Variants in WNK2 observed in about 807,000 individuals in gnomAD.
The protein encoded by WNK2 is WNK lysine deficient protein kinase 2.
Under a neutral mutation model 192.1 loss-of-function variants are expected in WNK2, and 67 were observed. The observed-to-expected ratio is 0.35, with a 90% CI of 0.29 to 0.43. The LOEUF (loss-of-function observed/expected upper bound fraction) is 0.43. WNK2 is among the 20% of genes least tolerant of loss of function. The pLI, the probability that WNK2 is intolerant of heterozygous loss-of-function variation, is 1.00. For synonymous variants in WNK2, 1,439 were observed against 1,393.9 expected (o/e 1.03, Z -0.72); for missense variants, 2,698 against 3,089.7 (o/e 0.87, Z 3.01).
chr9:93,320,326 T>G (rs745456673), intron 29 of WNK2, 41 bp from the exon 30 acceptor site: 51 of 1,367,134 alleles, frequency 3.7e-5, no homozygotes, highest in Non-Finnish European at 5.0e-5. Flanking sequence ...TGGCCAGCAC[T>G]GCGGTGGGCC....
At position 93,229,983 on chromosome 9, in the gene WNK2, T is replaced by A; in HGVS notation, c.854+115T>A. The A allele has an allele frequency of 7.6e-7, 1 of 1,315,152 alleles. No homozygotes were observed. The highest frequency in any genetic ancestry group is 1.0e-6 in the Non-Finnish European group (1 of 972,178). 81.5% of individuals were successfully genotyped at this position (1,315,152 alleles called of 1,614,324 possible). On this transcript the variant is annotated intron_variant, in intron 3 of 29. Transcript: ENST00000427277. This position sits in a 1 kb window ranked among gnomAD's most constrained non-coding sequence, Gnocchi z 4.9. ...GTCCTGGCTGGTGCCTGTGGGAGGC[T>A]GTCTCCTCTTTCCTCTCCTGCATGG...
chr9:93,189,515 A>T (rs529394132), intron 2 of WNK2, among the ~76,000 whole-genome samples: 8 of 152,288 alleles, frequency 5.3e-5, no homozygotes, highest in African/African-American at 1.9e-4. Flanking sequence ...TCAAGGAACG[A>T]TGTGTCCTGC....
chr9:93,318,808 T>C (rs2134499697), intron 29 of WNK2: 1 of 1,410,020 alleles, frequency 7.1e-7, no homozygotes, highest in Non-Finnish European at 9.2e-7. Flanking sequence ...TCGTCCCCAG[T>C]GGGCACAACA....
chr9:93,315,641 CCTT>C (rs1172938377), intron 28 of WNK2: 1 of 152,202 alleles, frequency 6.6e-6, no homozygotes, highest in African/African-American at 2.4e-5. Context: ...GAAGTCTTCT[CCTT>C]CTTAGTGCCT....
chr9:93,250,671 G>A (rs1842468275), intron 8 of WNK2, among the ~76,000 whole-genome samples: 1 of 152,176 alleles, frequency 6.6e-6, no homozygotes, highest in South Asian at 2.1e-4. Context: ...ACCAAGCGGG[G>A]GCTTCCTTGG....
chr9:93,215,661 A>C (rs781476484), intron 2 of WNK2, among the ~76,000 whole-genome samples: 8 of 151,976 alleles, frequency 5.3e-5, no homozygotes, highest in Non-Finnish European at 1.0e-4. Flanking sequence ...CTAGATTTCT[A>C]TTTGTTTCTG....
intron 6 of WNK2, among the ~76,000 whole-genome samples, chr9:93,238,556 T>C (rs1358915961): frequency 6.6e-6 from 1 of 152,216 alleles, no homozygotes; most frequent in Non-Finnish European, 1.5e-5. Flanking sequence ...AACCCTCTCC[T>C]TGGCTTTGGG....
In WNK2 at chr9:93,263,601, T is replaced by C. The variant is rs760517382; in HGVS notation, c.3446T>C (p.Leu1149Pro). Reference protein sequence around the residue: ...GGSDVTSGKELSDSCEGAFGG... With the variant: ...GGSDVTSGKEPSDSCEGAFGG... ...TCTGATGTCACTTCTGGAAAAGAGC[T>C]GAGTGACAGCTGTGAAGGCGCCTTT... Residue 1149 changes from leucine (L) to proline (P), a missense_variant, in exon 15 of 30, where the codon CTG (leucine) becomes CCG (proline). Physicochemically the swap from Leu to Pro is moderately conservative, Grantham distance 98. Around this residue, in one of 7 missense-constraint regions of WNK2, gnomAD observed 893 missense variants for 909.0 expected, o/e 0.98. Transcript: ENST00000427277. The C allele has an allele frequency of 6.2e-7, 1 of 1,610,906 alleles. No homozygotes were observed. Among genetic ancestry groups the C allele is most frequent in the South Asian group, 1.1e-5 (1 of 90,308 alleles).
chr9:93,231,307 C>T (rs918220497), intron 4 of WNK2, among the ~76,000 whole-genome samples, 199 bp downstream of exon 4: 3 of 152,250 alleles, frequency 2.0e-5, no homozygotes, highest in African/African-American at 4.8e-5. Context: ...CCTGCCCACT[C>T]GTTGGATTCC....
Position 93,296,429 on chromosome 9 carries a change from C to CACCTTCCTCCTTCTCCATCCTCCCCTT in WNK2, c.5709-1409_5709-1383dup, listed in dbSNP as rs750121938. The stretch of plus-strand genomic sequence containing the variant: ...CCTTCCTCCCCCTCCATCCTCCCCT[C>CACCTTCCTCCTTCTCCATCCTCCCCTT]ACCTTCCTCCTTCTCCATCCTCCCC... On this transcript the variant is annotated intron_variant, in intron 23 of 29. Transcript: ENST00000427277. 3.3e-3 allele frequency among the ~76,000 whole-genome samples: 48 copies of CACCTTCCTCCTTCTCCATCCTCCCCTT among 14,610 alleles called. 4 individuals are homozygous for CACCTTCCTCCTTCTCCATCCTCCCCTT. The highest frequency in any genetic ancestry group is 0.026 in the South Asian group (4 of 156). The allele number at this position is 14,610 out of a possible 152,430, so 9.6% of individuals were successfully genotyped here.
intron 2 of WNK2, among the ~76,000 whole-genome samples, chr9:93,211,111 C>G (rs1834440611): frequency 6.6e-6 from 1 of 151,648 alleles, no homozygotes; most frequent in African/African-American, 2.4e-5. Flanking sequence ...CTCATCCACT[C>G]ACTCACTCAT....
chr9:93,190,791 C>T (rs761617280), intron 2 of WNK2, among the ~76,000 whole-genome samples: 5 of 152,210 alleles, frequency 3.3e-5, no homozygotes, highest in African/African-American at 9.6e-5. Context: ...TCCACACGTG[C>T]CCTGGCTGCT....
At chr9:93,280,828 T>C (rs1847619069) in intron 19 of WNK2, among the ~76,000 whole-genome samples, 1 of 152,220 alleles carries the variant, frequency 6.6e-6, no homozygotes, top group Non-Finnish European at 1.5e-5. Flanking sequence ...TAACATTCTT[T>C]GAATTTTTCC....
chr9:93,261,524 C>G (rs953966542), intron 12 of WNK2, among the ~76,000 whole-genome samples: 3 of 152,212 alleles, frequency 2.0e-5, no homozygotes, highest in African/African-American at 7.2e-5. Flanking sequence ...GTGTCCTGTT[C>G]TCTGACCCTT....
In WNK2 at chr9:93,263,961, G is replaced by T; in HGVS notation, c.3624G>T (p.Thr1208=). Reference sequence around the variant, plus strand: ...AGATGGTGGAGTGCCAGCTGGAGACGCACAACCACAAGATGGTGACCTTCA... The same window carrying T: ...AGATGGTGGAGTGCCAGCTGGAGACTCACAACCACAAGATGGTGACCTTCA... ...GDKMVECQLE[T]HNHKMVTFKF... Residue 1208 remains threonine (T), a synonymous_variant, in exon 16 of 30, where the codon ACG becomes ACT. Transcript: ENST00000427277. The T allele has an allele frequency of 6.2e-7, 1 of 1,613,168 alleles. No individual in the cohort carries two copies. The highest frequency in any genetic ancestry group is 8.5e-7 in the Non-Finnish European group (1 of 1,179,680).
chr9:93,313,652 T>G (rs1854070044), intron 28 of WNK2, among the ~76,000 whole-genome samples: 1 of 152,176 alleles, frequency 6.6e-6, no homozygotes, highest in Non-Finnish European at 1.5e-5. Flanking sequence ...ATTTTCATAT[T>G]CTTATATTTT....
rs1840495267 is a variant in WNK2 at position 93,240,078 on chromosome 9, G to A, written c.1542+102G>A. On this transcript the variant is annotated intron_variant, in intron 7 of 29. Transcript: ENST00000427277. Reference sequence around the variant, plus strand: ...GGCTGAGGGGGCTTGCTCCGGAGGGGACTGCAAGGCCAGTGGGTGTGGCGG... The same window carrying A: ...GGCTGAGGGGGCTTGCTCCGGAGGGAACTGCAAGGCCAGTGGGTGTGGCGG... The A allele has an allele frequency of 8.1e-6, 10 of 1,237,796 alleles. No homozygotes were observed. In the South Asian group the frequency reaches 1.1e-4, roughly 14 times the overall value. The allele number at this position is 1,237,796 out of a possible 1,614,324, so 76.7% of individuals were successfully genotyped here. A position where few individuals can be genotyped will look rare whatever the true frequency, so the allele number is the denominator to read the frequency against.
chr9:93,228,808 C>A (rs1479277077), intron 2 of WNK2, among the ~76,000 whole-genome samples: 1 of 151,956 alleles, frequency 6.6e-6, no homozygotes, highest in Non-Finnish European at 1.5e-5. Flanking sequence ...AGGGAAGGGC[C>A]AGGATCCAGG....
chr9:93,198,162 C>A (rs975774410), intron 2 of WNK2, among the ~76,000 whole-genome samples: 6 of 152,180 alleles, frequency 3.9e-5, no homozygotes, highest in African/African-American at 1.4e-4. Flanking sequence ...TGTGGTGCAG[C>A]TTGAGGAGGG....
Sources: allele counts gnomAD v4.1 joint callset (sites outside exome capture counted in the v4.1 genomes callset), GRCh38; gene constraint gnomAD v4.1.1; regional missense constraint gnomAD v4.1.1; non-coding constraint Gnocchi (gnomAD v3.1); transcripts MANE v1.5; gene names NCBI Gene and HGNC (gene_info 2026-07-23, HGNC 2026-07-21).